Variants in BAIAP3 observed in about 807,000 individuals in gnomAD.
BAIAP3 encodes the protein BAI1-associated protein 3.
A neutral mutation model predicts 149.7 loss-of-function variants in BAIAP3; 180 were observed. The observed-to-expected ratio is 1.20, with a 90% CI of 1.07 to 1.36. BAIAP3 has a LOEUF of 1.36. Ranked by LOEUF, BAIAP3 falls within the 40% of genes most tolerant of loss-of-function variation. BAIAP3 has a pLI of 0.00. For missense variants in BAIAP3, 1,767 were observed against 1,563.4 expected (o/e 1.13, Z -2.20); for synonymous variants, 845 against 670.7 (o/e 1.26, Z -4.02).
At chr16:1,343,366 C>T (rs1596576713) in intron 14 of BAIAP3, 27 bp from the exon 15 acceptor site, 3 of 1,572,246 alleles carry the variant, frequency 1.9e-6, no homozygotes, top group Non-Finnish European at 2.6e-6. Context: ...GGGTTCATAC[C>T]CTTTGACCAT....
Position 1,346,662 on chromosome 16 carries a change from C to G in BAIAP3, c.2620C>G (p.Leu874Val). ...GAAGCTGGCCCTGCTGAACGCCTCG[C>G]TGGTGAAGGGGAACCTGAGCAGGTG... ...DEKLALLNAS[L>V]VKGNLSRVLE... The change falls in exon 27 of 34, where the codon CTG (leucine) becomes GTG (valine). Residue 874 changes from leucine to valine, a missense_variant. Physicochemically the swap from Leu to Val is conservative, Grantham distance 32. Coordinates refer to ENST00000426824, the MANE Select transcript of BAIAP3 (RefSeq NM_001199097.2). 1 of 1,082,234 alleles carries G rather than the reference C, an allele frequency of 9.2e-7. No homozygotes were observed. Among genetic ancestry groups the G allele is most frequent in the South Asian group, 1.3e-5 (1 of 76,482 alleles). 67.0% of individuals were successfully genotyped at this position (1,082,234 alleles called of 1,614,324 possible).
chr16:1,334,364 C>T (rs529071433), intron 1 of BAIAP3: 1 of 438,204 alleles, frequency 2.3e-6, no homozygotes, highest in South Asian at 2.9e-5. Flanking sequence ...CACCCCGGAC[C>T]GCCCGCCCCC....
chr16:1,344,962 C>G lies in BAIAP3; in HGVS notation c.1810-7C>G. ...TGCTGGAGGCCTGATCCTGCTGTCC[C>G]GGACAGGTGGCTGAGGAGGCGTGGG... On this transcript the variant is annotated splice_polypyrimidine_tract_variant and splice_region_variant and intron_variant, in intron 20 of 33. Coordinates refer to ENST00000426824, the MANE Select transcript of BAIAP3 (RefSeq NM_001199097.2). The G allele has an allele frequency of 1.2e-6, 2 of 1,613,298 alleles. No homozygotes were observed. The highest frequency in any genetic ancestry group is 8.5e-7 in the Non-Finnish European group (1 of 1,179,990).
At chr16:1,347,459 G>A (rs1555449449) in intron 29 of BAIAP3, 86 bp from the exon 30 acceptor site, 3 of 1,585,292 alleles carry the variant, frequency 1.9e-6, no homozygotes, top group Non-Finnish European at 2.6e-6. Context: ...TTGAGCATGA[G>A]GTGGCCCCAC....
Position 1,346,183 on chromosome 16 carries a change from T to TGCG in BAIAP3, c.2315_2316insGCG (p.Leu772_Asn773insArg), listed in dbSNP as rs1427530129. ...CACCTCCTCCAGCTCTGCGTGGTCC[T>TGCG]CAACAATGTGGAGCTCGTGCGCAAG... On this transcript the variant is annotated inframe_insertion, in exon 25 of 34. Transcript: ENST00000426824. The TGCG allele has an allele frequency of 3.7e-6, 6 of 1,611,618 alleles. No individual in the cohort carries two copies. The highest frequency in any genetic ancestry group is 5.1e-6 in the Non-Finnish European group (6 of 1,179,822).
At chr16:1,342,470 C>A in intron 11 of BAIAP3, 57 bp from the exon 12 acceptor site, 1 of 1,481,186 alleles carries the variant, frequency 6.8e-7, no homozygotes, top group South Asian at 1.2e-5. Context: ...CTCACAGAGT[C>A]AGTGTGGAAG....
chr16:1,340,827 G>C, intron 5 of BAIAP3, 95 bp from the exon 6 acceptor site: 1 of 1,333,950 alleles, frequency 7.5e-7, no homozygotes, highest in African/African-American at 1.5e-5. Context: ...ACTGAGGTTG[G>C]GTGTCTGTGA....
intron 1 of BAIAP3, chr16:1,334,385 G>C: frequency 2.1e-6 from 1 of 481,498 alleles, no homozygotes; most frequent in Non-Finnish European, 3.8e-6. Flanking sequence ...TCCGAGGGGA[G>C]AGACCCCCAT....
In BAIAP3 at chr16:1,349,401, G is replaced by A. The variant is rs370031727; in HGVS notation, c.*919G>A. 66 of 1,612,420 alleles carry A rather than the reference G, an allele frequency of 4.1e-5. No homozygotes were observed. The highest frequency in any genetic ancestry group is 1.8e-4 in the East Asian group (8 of 44,868). On this transcript the variant is annotated 3_prime_UTR_variant, in exon 34 of 34. Coordinates refer to ENST00000426824, the MANE Select transcript of BAIAP3 (RefSeq NM_001199097.2). ...GTCCCTCATGTCTCTAGATTTTCTCGTCACCCAGCCTCAAAAATATATGTG... is the reference window on the plus strand; with the variant it reads ...GTCCCTCATGTCTCTAGATTTTCTCATCACCCAGCCTCAAAAATATATGTG...
Position 1,342,120 on chromosome 16 carries a change from C to T in BAIAP3, c.854+57C>T, listed in dbSNP as rs999271938. On this transcript the variant is annotated intron_variant, in intron 10 of 33. Transcript: ENST00000426824. ...CCGTGCCCTCAGCTTGGTCATGGGG[C>T]CCGGCGGGCAGTGGCTCCCCAGGAG... 17 of 1,567,932 alleles carry T rather than the reference C, an allele frequency of 1.1e-5. No homozygotes were observed. In the African/African-American group the frequency reaches 1.4e-4, roughly 12 times the overall value.
chr16:1,338,452 C>CCGGGGGGGGG, intron 1 of BAIAP3, 88 bp from the exon 2 acceptor site: 3 of 211,092 alleles, frequency 1.4e-5, no homozygotes, highest in Non-Finnish European at 1.0e-5. Context: ...CACCTCTTCC[C>CCGGGGGGGGG]GCCCCACCCC....
At chr16:1,336,254 G>A (rs548463684) in intron 1 of BAIAP3, 2 of 985,386 alleles carry the variant, frequency 2.0e-6, no homozygotes, top group Admixed American at 1.2e-4. Flanking sequence ...GGGAGGGGAA[G>A]GGGGCTTGTG....
Position 1,346,612 on chromosome 16 carries a change from C to T in BAIAP3, c.2570C>T (p.Ala857Val), listed in dbSNP as rs753147922. ...PDSIQNDEAV[A>V]PLMKYLDEKL... ...GACCACCCCTGCCCGCAGGCCGTGG[C>T]CCCGCTCATGAAGTACCTGGATGAG... The change falls in exon 27 of 34, where the codon GCC becomes GTC. Residue 857 changes from alanine (A) to valine (V), a missense_variant. Transcript: ENST00000426824. 6 of 1,553,344 alleles carry T rather than the reference C, an allele frequency of 3.9e-6. No individual in the cohort carries two copies. The East Asian group carries it at 1.2e-4, about 31-fold the overall frequency.
At chr16:1,341,770 C>G in intron 8 of BAIAP3, 52 bp from the exon 9 acceptor site, 1 of 1,583,864 alleles carries the variant, frequency 6.3e-7, no homozygotes, top group Admixed American at 1.8e-5. Context: ...TGACCCCGGC[C>G]TGGGCAGAGC....
intron 1 of BAIAP3, among the ~76,000 whole-genome samples, chr16:1,334,207 G>A (rs1027508164): frequency 6.6e-6 from 1 of 151,930 alleles, no homozygotes; most frequent in Non-Finnish European, 1.5e-5. Context: ...GCAGGTCCTC[G>A]TAAGGCCCTT....
Position 1,341,158 on chromosome 16 carries a change from C to T in BAIAP3, c.498C>T (p.Val166=). 3 of 1,612,740 alleles carry T rather than the reference C, an allele frequency of 1.9e-6. No individual in the cohort carries two copies. The highest frequency in any genetic ancestry group is 2.5e-6 in the Non-Finnish European group (3 of 1,179,848). ...KAPTYALKVS[V]MRAKNLLAKD... The stretch of plus-strand genomic sequence containing the variant: ...CCACGTATGCCCTGAAAGTCTCTGT[C>T]ATGCGTGCCAAGAACCTTCTGGCCA... The change falls in exon 7 of 34, where the codon GTC becomes GTT. Residue 166 remains valine (V), a synonymous_variant. Transcript: ENST00000426824.
chr16:1,345,039 T>A lies in BAIAP3; in HGVS notation c.1880T>A (p.Leu627His). 6.2e-7 allele frequency: 1 copy of A among 1,612,360 alleles called. No homozygotes were observed. Among genetic ancestry groups the A allele is most frequent in the Non-Finnish European group, 8.5e-7 (1 of 1,179,996 alleles). ...ATGACCCTGGAGGTGGCCTCGGGGCTCTTTGAGCTCTACCTGACCCTGGCT... is the reference window on the plus strand; with the variant it reads ...ATGACCCTGGAGGTGGCCTCGGGGCACTTTGAGCTCTACCTGACCCTGGCT... ...PKMTLEVASG[L>H]FELYLTLADL... Residue 627 changes from leucine to histidine, a missense_variant, in exon 21 of 34, where the codon CTC (leucine) becomes CAC (histidine). By Grantham distance (99) the Leu-to-His change is moderately conservative. Transcript: ENST00000426824.
chr16:1,343,295 TTGGG>T, intron 14 of BAIAP3, 94 bp from the exon 15 acceptor site: 3 of 1,486,596 alleles, frequency 2.0e-6, no homozygotes, highest in South Asian at 1.3e-5. Context: ...GCAGTGCTGA[TTGGG>T]TGGGGCAGAG....
chr16:1,346,847 G>A lies in BAIAP3; in HGVS notation c.2643G>A (p.Arg881=), dbSNP rs751921063. 20 of 1,593,922 alleles carry A rather than the reference G, an allele frequency of 1.3e-5. No individual in the cohort carries two copies. The highest frequency in any genetic ancestry group is 1.7e-4 in the Middle Eastern group (1 of 5,724). ...NASLVKGNLS[R]VLEALWELLL... is the part of the protein sequence containing the mutation. ...CGTGGTCACTGATGCTGCCCTGCAG[G>A]GTGCTGGAGGCCCTGTGGGAGCTAC... The change falls in exon 28 of 34, where the codon AGG becomes AGA. Residue 881 remains arginine, a splice_region_variant and synonymous_variant. Transcript: ENST00000426824.
Sources: allele counts gnomAD v4.1 joint callset (sites outside exome capture counted in the v4.1 genomes callset), GRCh38; gene constraint gnomAD v4.1.1; transcripts MANE v1.5; gene names NCBI Gene and HGNC (gene_info 2026-07-23, HGNC 2026-07-21).